Variants in TWF1 observed in about 807,000 individuals in gnomAD.
TWF1 encodes the protein twinfilin-1.
TWF1 carries 14 observed loss-of-function variants against 47.9 expected under a neutral mutation model. That is an observed-to-expected ratio of 0.29 (90% confidence interval 0.19 to 0.46). TWF1 has a LOEUF of 0.46. Ranked by LOEUF, TWF1 falls within the 20% of genes least tolerant of loss-of-function variation. TWF1 has a pLI of 1.00. For missense variants in TWF1, 281 were observed against 409.3 expected (o/e 0.69, Z 2.70); for synonymous variants, 96 against 139.2 (o/e 0.69, Z 2.18).
intron 7 of TWF1, 57 bp downstream of exon 7, chr12:43,797,245 G>T: frequency 6.6e-7 from 1 of 1,510,412 alleles, no homozygotes; most frequent in Non-Finnish European, 8.9e-7. Flanking sequence ...AGAATATAGG[G>T]CTGATACACC....
chr12:43,797,891 A>C (rs1205060082), intron 5 of TWF1, 58 bp from the exon 6 acceptor site: 2 of 1,555,590 alleles, frequency 1.3e-6, no homozygotes, highest in African/African-American at 2.8e-5. Flanking sequence ...TATGGCAAAC[A>C]TAAGAAAACC....
Position 43,804,501 on chromosome 12 carries a change from C to G in TWF1, c.97G>C (p.Glu33Gln). Reference sequence around the variant, plus strand: ...TTTAAAATATTTAACTAACCATTTTCAATAGATATTTTCAGAAGTCTGTAC... The same window carrying G: ...TTTAAAATATTTAACTAACCATTTTGAATAGATATTTTCAGAAGTCTGTAC... ...GKYRLLKISIENEQLVIGSYS... is the reference protein window; with the variant it reads ...GKYRLLKISIQNEQLVIGSYS... The change falls in exon 2 of 9, where the codon GAA becomes CAA. Residue 33 changes from glutamate to glutamine, a missense_variant. Physicochemically the swap from Glu to Gln is conservative, Grantham distance 29. Coordinates refer to ENST00000395510, the MANE Select transcript of TWF1 (RefSeq NM_002822.5). 1 of 1,584,230 alleles carries G rather than the reference C, an allele frequency of 6.3e-7. No individual in the cohort carries two copies. The highest frequency in any genetic ancestry group is 8.6e-7 in the Non-Finnish European group (1 of 1,160,418).
chr12:43,799,541 G>A (rs758371676), intron 4 of TWF1, 39 bp from the exon 5 acceptor site: 1 of 1,191,040 alleles, frequency 8.4e-7, no homozygotes, highest in Non-Finnish European at 1.2e-6. Flanking sequence ...TAATTCTCTA[G>A]AAGTAAAATG....
chr12:43,798,397 T>C (rs571963597), intron 5 of TWF1, among the ~76,000 whole-genome samples: 1 of 152,256 alleles, frequency 6.6e-6, no homozygotes, highest in East Asian at 1.9e-4. Flanking sequence ...TCAATGCACA[T>C]GTTTAAGATT....
Position 43,799,483 on chromosome 12 carries a change from C to G in TWF1, c.398G>C (p.Gly133Ala), listed in dbSNP as rs1038044492. The change falls in exon 5 of 9, where the codon GGA becomes GCA. Residue 133 changes from glycine to alanine, a missense_variant. Gly to Ala is a moderately conservative substitution (Grantham distance 60, BLOSUM62 0). Coordinates refer to ENST00000395510, the MANE Select transcript of TWF1 (RefSeq NM_002822.5). The stretch of plus-strand genomic sequence containing the variant: ...TTGTGACAGCAAGTATTTTTTATAT[C>G]CATGTAATGATACATCTTCCTGTAA... ...GTVKEDVSLHGYKKYLLSQSS... is the reference protein window; with the variant it reads ...GTVKEDVSLHAYKKYLLSQSS... 1 of 1,603,248 alleles carries G rather than the reference C, an allele frequency of 6.2e-7. No individual in the cohort carries two copies. Among genetic ancestry groups the G allele is most frequent in the Non-Finnish European group, 8.5e-7 (1 of 1,171,972 alleles).
chr12:43,805,740 C>A, intron 1 of TWF1: 1 of 1,257,410 alleles, frequency 8.0e-7, no homozygotes. Flanking sequence ...TGGGAAGCAC[C>A]CCTACTGATG....
chr12:43,795,578 G>A lies in TWF1; in HGVS notation c.*7C>T, dbSNP rs921443984. On this transcript the variant is annotated 3_prime_UTR_variant, in exon 9 of 9. Transcript: ENST00000395510. ...AAACTAGTATTACAATGTTTAATGT[G>A]ATGACTTTAATCAGTAGTAGCTTCA... 5 of 1,610,420 alleles carry A rather than the reference G, an allele frequency of 3.1e-6. No homozygotes were observed. The highest frequency in any genetic ancestry group is 2.2e-4 in the Middle Eastern group (1 of 4,476).
chr12:43,805,835 T>G (rs1942752537), intron 1 of TWF1: 1 of 1,392,394 alleles, frequency 7.2e-7, no homozygotes, highest in African/African-American at 1.4e-5. Flanking sequence ...ACTCGCCTGG[T>G]TCTCGACAGC....
intron 3 of TWF1, among the ~76,000 whole-genome samples, chr12:43,800,987 GGT>G (rs1942650731): frequency 6.6e-6 from 1 of 152,062 alleles, no homozygotes; most frequent in African/African-American, 2.4e-5. Flanking sequence ...CCTGACCTCT[GGT>G]GATCCACTCG....
intron 1 of TWF1, chr12:43,805,566 G>T (rs1003755877): frequency 2.2e-6 from 1 of 461,208 alleles, no homozygotes; most frequent in African/African-American, 2.0e-5. Context: ...ATGGAGGTCA[G>T]ATATAACTGC....
chr12:43,806,049 C>G, intron 1 of TWF1, 172 bp downstream of exon 1: 14 of 1,518,842 alleles, frequency 9.2e-6, no homozygotes, highest in Non-Finnish European at 1.2e-5. Flanking sequence ...GGACGCAGGC[C>G]GGCAGCGCCC....
rs749582281 is a variant in TWF1 at position 43,797,290 on chromosome 12, T to C, written c.760+12A>G. The stretch of plus-strand genomic sequence containing the variant: ...ACTGAAAGTAATGTGTTAAAAACAA[T>C]GTATCATATACCTATGGACTCTAAA... On this transcript the variant is annotated intron_variant, in intron 7 of 8. Coordinates refer to ENST00000395510, the MANE Select transcript of TWF1 (RefSeq NM_002822.5). 16 of 1,568,152 alleles carry C rather than the reference T, an allele frequency of 1.0e-5. No homozygotes were observed. The highest frequency in any genetic ancestry group is 1.4e-5 in the Non-Finnish European group (16 of 1,160,068).
rs986812199 is a variant in TWF1 at position 43,793,791 on chromosome 12, T to G, written c.*1794A>C. On this transcript the variant is annotated 3_prime_UTR_variant, in exon 9 of 9. Coordinates refer to ENST00000395510, the MANE Select transcript of TWF1 (RefSeq NM_002822.5). ...AAATGTCCACCAGAAGGCATGTAATTCTTCACTGCTATATAAATTTACTGG... is the reference window on the plus strand; with the variant it reads ...AAATGTCCACCAGAAGGCATGTAATGCTTCACTGCTATATAAATTTACTGG... 3 of 152,638 alleles carry G rather than the reference T, an allele frequency of 2.0e-5. No individual in the cohort carries two copies. The highest frequency in any genetic ancestry group is 4.4e-5 in the Non-Finnish European group (3 of 68,044). The allele number at this position is 152,638 out of a possible 1,614,324, so 9.5% of individuals were successfully genotyped here.
At chr12:43,801,533 TAC>T (rs1281911790) in intron 3 of TWF1, among the ~76,000 whole-genome samples, 1 of 152,226 alleles carries the variant, frequency 6.6e-6, no homozygotes, top group Non-Finnish European at 1.5e-5. Flanking sequence ...TATTGTTCTA[TAC>T]AGTCAATCTA....
chr12:43,805,710 G>A lies in TWF1; in HGVS notation c.25+511C>T, dbSNP rs960087544. The A allele has an allele frequency of 8.2e-6, 8 of 980,002 alleles. No individual in the cohort carries two copies. The African/African-American group carries it at 1.2e-4, about 14-fold the overall frequency. The allele number at this position is 980,002 out of a possible 1,614,324, so 60.7% of individuals were successfully genotyped here. A position where few individuals can be genotyped will look rare whatever the true frequency, so the allele number is the denominator to read the frequency against. On this transcript the variant is annotated intron_variant, in intron 1 of 8. Coordinates refer to ENST00000395510, the MANE Select transcript of TWF1 (RefSeq NM_002822.5). Reference sequence around the variant, plus strand: ...CATAACTCTCATTTTCCTATTTGGAGAGAAAATGCGGGAGAGTTTTGGGAA... The same window carrying A: ...CATAACTCTCATTTTCCTATTTGGAAAGAAAATGCGGGAGAGTTTTGGGAA...
rs1272660420 is a variant in TWF1, at chr12:43,797,699, A to T, written c.609+9T>A. 1.9e-6 allele frequency: 3 copies of T among 1,610,678 alleles called. No homozygotes were observed. Among genetic ancestry groups the T allele is most frequent in the South Asian group, 1.1e-5 (1 of 90,828 alleles). On this transcript the variant is annotated intron_variant, in intron 6 of 8. Transcript: ENST00000395510. The stretch of plus-strand genomic sequence containing the variant: ...AGCAGCCACTTAATAATCATTATAC[A>T]TCTCTTACCAACTGCACATAGTTGA...
Position 43,794,856 on chromosome 12 carries a change from ATTAAT to A in TWF1, c.*724_*728del, listed in dbSNP as rs1942522242. 6.6e-6 allele frequency: 1 copy of A among 152,100 alleles called. No individual in the cohort carries two copies. The highest frequency in any genetic ancestry group is 2.4e-5 in the African/African-American group (1 of 41,416). The allele number at this position is 152,100 out of a possible 1,614,324, so 9.4% of individuals were successfully genotyped here. On this transcript the variant is annotated 3_prime_UTR_variant, in exon 9 of 9. Transcript: ENST00000395510. The stretch of plus-strand genomic sequence containing the variant: ...CATTTTTTGTTTCCTTTTGAATGAT[ATTAAT>A]TTAAATTTCAATCTGAACATAAATG...
At chr12:43,804,472 A>G (rs773865840) in intron 2 of TWF1, 23 bp downstream of exon 2, 104 of 1,454,640 alleles carry the variant, frequency 7.1e-5, no homozygotes, top group Non-Finnish European at 9.4e-5. Flanking sequence ...GGAACAGAAA[A>G]TATTTTAAAA....
chr12:43,804,494 C>A lies in TWF1; in HGVS notation c.103+1G>T, dbSNP rs1202272197. ...AAAATATTTTAAAATATTTAACTAA[C>A]CATTTTCAATAGATATTTTCAGAAG... is the stretch of plus-strand genomic sequence containing the variant. On this transcript the variant is annotated splice_donor_variant, in intron 2 of 8. Coordinates refer to ENST00000395510, the MANE Select transcript of TWF1 (RefSeq NM_002822.5). LOFTEE classifies it high-confidence loss of function. 1 of 1,570,772 alleles carries A rather than the reference C, an allele frequency of 6.4e-7. No homozygotes were observed. The highest frequency in any genetic ancestry group is 1.7e-5 in the Admixed American group (1 of 57,522).
Sources: gnomAD v4.1 joint callset for allele counts (sites outside exome capture counted in the v4.1 genomes callset) on GRCh38, gnomAD v4.1.1 for gene constraint, MANE v1.5 for transcripts, NCBI Gene and HGNC (gene_info 2026-07-23, HGNC 2026-07-21) for gene names.